Variants in PHACTR1 observed in about 807,000 individuals in gnomAD.
PHACTR1 encodes RPEL repeat containing 1.
PHACTR1 carries 16 observed loss-of-function variants against 69.2 expected under a neutral mutation model. That is an observed-to-expected ratio of 0.23 (90% CI 0.16 to 0.35). The LOEUF (loss-of-function observed/expected upper bound fraction) is 0.35, where lower values mean the gene tolerates loss of function less well. Among genes scored for constraint, PHACTR1 ranks in the 10% least tolerant of loss-of-function variants. The pLI, the probability that PHACTR1 is intolerant of heterozygous loss-of-function variation, is 1.00. For synonymous variants in PHACTR1, 312 were observed against 284.5 expected (o/e 1.10, Z -0.97); for missense variants, 510 against 734.7 (o/e 0.69, Z 3.54).
At chr6:13,065,882 A>G (rs1264156851) in intron 5 of PHACTR1, among the ~76,000 whole-genome samples, 1 of 152,146 alleles carries the variant, frequency 6.6e-6, no homozygotes, top group African/African-American at 2.4e-5. Flanking sequence ...ACCAAGTTGA[A>G]TAGCCTTCAG....
intron 4 of PHACTR1, among the ~76,000 whole-genome samples, chr6:13,013,218 T>C (rs1021821975): frequency 1.3e-5 from 2 of 152,240 alleles, no homozygotes; most frequent in Non-Finnish European, 2.9e-5. Context: ...TGAGTTTTGA[T>C]AAAATCAGCG....
chr6:12,821,483 AAGAGAGAG>A lies in PHACTR1; in HGVS notation c.250+71707_250+71714del, dbSNP rs138381209. On this transcript the variant is annotated intron_variant, in intron 4 of 14. Coordinates refer to ENST00000332995, the MANE Select transcript of PHACTR1 (RefSeq NM_030948.6). The stretch of plus-strand genomic sequence containing the variant: ...ACATCAAAAAAAAAAAAAAAAAAAA[AAGAGAGAG>A]AGAGAGAGAGAGAAGTTAAGCATCA... Among the ~76,000 whole-genome samples, 36 of 95,858 alleles carry A rather than the reference AAGAGAGAG, an allele frequency of 3.8e-4. No individual in the cohort carries two copies. In the East Asian group the frequency reaches 7.7e-3, roughly 21 times the overall value. The allele number at this position is 95,858 out of a possible 152,430, so 62.9% of individuals were successfully genotyped here.
intron 4 of PHACTR1, among the ~76,000 whole-genome samples, chr6:12,829,214 T>G (rs1390226167): frequency 6.6e-6 from 1 of 152,112 alleles, no homozygotes; most frequent in Non-Finnish European, 1.5e-5. Flanking sequence ...AGCAAGGCAA[T>G]GCCTGATCAC....
Position 12,718,826 on chromosome 6 carries a change from T to C in PHACTR1, c.82T>C (p.Phe28Leu). 1 of 1,568,946 alleles carries C rather than the reference T, an allele frequency of 6.4e-7. No individual in the cohort carries two copies. Residue 28 changes from phenylalanine to leucine, a missense_variant, in exon 3 of 15, where the codon TTC (phenylalanine) becomes CTC (leucine). Coordinates refer to ENST00000332995, the MANE Select transcript of PHACTR1 (RefSeq NM_030948.6). ...LLDVESAQRF[F>L]YSQGAQARRA... is the part of the protein sequence containing the mutation. ...GGATGTTGAGTCAGCTCAAAGATTC[T>C]TCTACAGTCAAGGAGCTCAAGGTAA...
At chr6:12,806,735 T>A (rs1372520094) in intron 4 of PHACTR1, among the ~76,000 whole-genome samples, 3 of 152,200 alleles carry the variant, frequency 2.0e-5, no homozygotes, top group Admixed American at 1.3e-4. Flanking sequence ...ATAATTTTTT[T>A]ATAAAACAGA....
chr6:12,885,735 T>G (rs940272112), intron 4 of PHACTR1, among the ~76,000 whole-genome samples: 6 of 152,210 alleles, frequency 3.9e-5, no homozygotes, highest in African/African-American at 1.4e-4. Context: ...AGGGGGCAGT[T>G]CTCATCTGAT....
chr6:13,206,005 C>T lies in PHACTR1; in HGVS notation c.855C>T (p.His285=). Residue 285 remains histidine (H), a synonymous_variant, in exon 8 of 15, where the codon CAC becomes CAT. Transcript: ENST00000332995. ...CTGTCCTGCCCTCCCAGATCCAGCA[C>T]CAGCTGCAGTACGGCAGCCACGGCC... ...HHTVLPSQIQ[H]QLQYGSHGQH... 1 of 1,614,016 alleles carries T rather than the reference C, an allele frequency of 6.2e-7. No homozygotes were observed. The highest frequency in any genetic ancestry group is 8.5e-7 in the Non-Finnish European group (1 of 1,179,894).
chr6:12,898,904 A>G lies in PHACTR1; in HGVS notation c.250+149114A>G, dbSNP rs542330341. Among the ~76,000 whole-genome samples, 17 of 152,166 alleles carry G rather than the reference A, an allele frequency of 1.1e-4. 1 individual carries two copies. Among genetic ancestry groups the G allele is most frequent in the Non-Finnish European group, 1.3e-4 (9 of 67,992 alleles). On this transcript the variant is annotated intron_variant, in intron 4 of 14. Transcript: ENST00000332995. ...GTTCCCAGTACTTGCAGTTCCTTCA[A>G]CTTGCCTCGCTGTATCTCACCCCTT...
chr6:12,867,159 C>T (rs1014957978), intron 4 of PHACTR1, among the ~76,000 whole-genome samples: 3 of 152,138 alleles, frequency 2.0e-5, no homozygotes, highest in African/African-American at 7.2e-5. Flanking sequence ...TTTGGACCTC[C>T]AGCCTGGGTA....
At chr6:13,036,293 T>C (rs1404578579) in intron 4 of PHACTR1, among the ~76,000 whole-genome samples, 1 of 152,240 alleles carries the variant, frequency 6.6e-6, no homozygotes, top group Non-Finnish European at 1.5e-5. Flanking sequence ...GCCATTCTTG[T>C]AGAAAAATAG....
At chr6:13,272,621 G>C (rs1174699383) in intron 10 of PHACTR1, 1 of 1,286,136 alleles carries the variant, frequency 7.8e-7, no homozygotes, top group Admixed American at 2.9e-5. Flanking sequence ...GGGCTGGGGA[G>C]GGGCCGCTGC....
At chr6:12,834,768 A>G (rs1260039897) in intron 4 of PHACTR1, among the ~76,000 whole-genome samples, 6 of 152,166 alleles carry the variant, frequency 3.9e-5, no homozygotes, top group Non-Finnish European at 8.8e-5. Context: ...ATTTCTCTCA[A>G]TATTGTCTTC....
intron 4 of PHACTR1, among the ~76,000 whole-genome samples, chr6:12,786,221 A>G (rs1450295818): frequency 1.3e-5 from 2 of 152,030 alleles, no homozygotes; most frequent in African/African-American, 4.8e-5. Context: ...TTCTCATGCT[A>G]CTCATGAACT....
In PHACTR1 at chr6:13,036,589, C is replaced by T. The variant is rs147448698; in HGVS notation, c.251-16776C>T. Among the ~76,000 whole-genome samples the T allele has an allele frequency of 2.7e-3, 409 of 152,316 alleles. 2 individuals are homozygous for T. Among genetic ancestry groups the T allele is most frequent in the African/African-American group, 9.3e-3 (388 of 41,574 alleles). ...CAAACTCATGTGAAAAGCCAATGGT[C>T]ACCTTGAAACAACAGCCTCAGTTCA... On this transcript the variant is annotated intron_variant, in intron 4 of 14. Transcript: ENST00000332995.
At chr6:12,944,727 A>C (rs192617655) in intron 4 of PHACTR1, among the ~76,000 whole-genome samples, 1 of 152,122 alleles carries the variant, frequency 6.6e-6, no homozygotes, top group Non-Finnish European at 1.5e-5. Flanking sequence ...GGATGAAAGG[A>C]GCGGTGAAGA....
At chr6:13,063,105 A>G (rs1807933588) in intron 5 of PHACTR1, among the ~76,000 whole-genome samples, 1 of 152,216 alleles carries the variant, frequency 6.6e-6, no homozygotes, top group African/African-American at 2.4e-5. Flanking sequence ...TAGGAAATTC[A>G]TAAAGGATAC....
At chr6:12,853,329 C>T (rs747227415) in intron 4 of PHACTR1, among the ~76,000 whole-genome samples, 19 of 152,238 alleles carry the variant, frequency 1.2e-4, no homozygotes, top group African/African-American at 2.4e-4. Flanking sequence ...GAATCTCCAA[C>T]GAAACACCTA....
At chr6:12,813,255 G>A (rs1183647629) in intron 4 of PHACTR1, among the ~76,000 whole-genome samples, 2 of 152,116 alleles carry the variant, frequency 1.3e-5, no homozygotes, top group African/African-American at 2.4e-5. Flanking sequence ...ATGTGTGCTA[G>A]GATATTGGTT....
chr6:12,884,524 C>T (rs1031177788), intron 4 of PHACTR1, among the ~76,000 whole-genome samples: 1 of 152,046 alleles, frequency 6.6e-6, no homozygotes, highest in Non-Finnish European at 1.5e-5. Flanking sequence ...CCTCAGCCTC[C>T]TAAGTAGCTG....
Sources: gnomAD v4.1 joint callset for allele counts (sites outside exome capture counted in the v4.1 genomes callset) on GRCh38, gnomAD v4.1.1 for gene constraint, MANE v1.5 for transcripts, NCBI Gene and HGNC (gene_info 2026-07-23, HGNC 2026-07-21) for gene names.